Variants in PDE6G observed in about 807,000 individuals in gnomAD.
PDE6G encodes rod cGMP 3',5'-cyclic phosphodiesterase subunit gamma.
In PDE6G, 10 loss-of-function variants were observed where a neutral mutation model predicts 10.9. The ratio of observed to expected loss-of-function variants is 0.91; its 90% CI spans 0.56 to 1.55. PDE6G has a LOEUF of 1.55. PDE6G is among the 40% of genes most tolerant of loss of function. The probability of loss-of-function intolerance (pLI) is 0.00; values close to 1 mark genes in which losing one functional copy is unlikely to be tolerated. For missense variants in PDE6G, 102 were observed against 110.1 expected (o/e 0.93, Z 0.33); for synonymous variants, 41 against 42.8 (o/e 0.96, Z 0.16).
chr17:81,654,380 T>C (rs1275315641), intron 1 of PDE6G, among the ~76,000 whole-genome samples: 1 of 40,894 alleles, frequency 2.4e-5, no homozygotes, highest in Non-Finnish European at 4.0e-5. Context: ...CCTCTGATTC[T>C]TTTTTTTTTT....
At chr17:81,659,138 T>G (rs557561613), upstream of PDE6G, among the ~76,000 whole-genome samples, 4 of 149,582 alleles carry the variant, frequency 2.7e-5, no homozygotes, top group Non-Finnish European at 5.9e-5. Context: ...GGAAACAAGA[T>G]TGCAATCCAT....
chr17:81,653,609 T>G lies in PDE6G; in HGVS notation c.-59-245A>C, dbSNP rs1444499387. 9.2e-6 allele frequency: 4 copies of G among 436,530 alleles called. No individual in the cohort carries two copies. The highest frequency in any genetic ancestry group is 8.0e-5 in the African/African-American group (4 of 49,878). The allele number at this position is 436,530 out of a possible 1,614,324, so 27.0% of individuals were successfully genotyped here. A position where few individuals can be genotyped will look rare whatever the true frequency, so the allele number is the denominator to read the frequency against. On this transcript the variant is annotated intron_variant, in intron 1 of 3. Coordinates refer to ENST00000331056, the MANE Select transcript of PDE6G (RefSeq NM_002602.4). This position sits in a 1 kb window ranked among gnomAD's most constrained non-coding sequence, Gnocchi z 5.2. The stretch of plus-strand genomic sequence containing the variant: ...ACGCTGGCCACACACAGCTCCGGAC[T>G]CCCCCCTGTCCTGGCCTCCCTCGCC...
intron 2 of PDE6G, among the ~76,000 whole-genome samples, chr17:81,652,140 G>A (rs994293632): frequency 1.5e-4 from 22 of 151,426 alleles, no homozygotes; most frequent in Non-Finnish European, 3.0e-4. Flanking sequence ...TGATGGGAGC[G>A]CGGTGCCTGT....
Position 81,650,520 on chromosome 17 carries a change from G to T in PDE6G, c.*554C>A. The stretch of plus-strand genomic sequence containing the variant: ...TGCAAGGGCAGGCTGTATTGAGAAG[G>T]ATGGCCCCCTGGTGTGATGAGCTTG... On this transcript the variant is annotated 3_prime_UTR_variant, in exon 4 of 4. Transcript: ENST00000331056. The T allele has an allele frequency of 6.6e-6, 3 of 454,032 alleles. No homozygotes were observed. Among genetic ancestry groups the T allele is most frequent in the South Asian group, 4.7e-5 (3 of 64,480 alleles). The allele number at this position is 454,032 out of a possible 1,614,324, so 28.1% of individuals were successfully genotyped here.
Position 81,650,703 on chromosome 17 carries a change from C to G in PDE6G, c.*371G>C, listed in dbSNP as rs1163885012. The stretch of plus-strand genomic sequence containing the variant: ...GGGGTGCAGAAGCACTCTGGGGAGA[C>G]CTGCCCTAGCTTTCCAGCTGGGAGG... On this transcript the variant is annotated 3_prime_UTR_variant, in exon 4 of 4. Transcript: ENST00000331056. 8 of 457,410 alleles carry G rather than the reference C, an allele frequency of 1.7e-5. No individual in the cohort carries two copies. Among genetic ancestry groups the G allele is most frequent in the Non-Finnish European group, 3.5e-5 (8 of 228,398 alleles). The allele number at this position is 457,410 out of a possible 1,614,324, so 28.3% of individuals were successfully genotyped here.
At chr17:81,661,914 C>T (rs1218878675) in intron 1 of PDE6G, among the ~76,000 whole-genome samples, 1 of 150,846 alleles carries the variant, frequency 6.6e-6, no homozygotes, top group Non-Finnish European at 1.5e-5. Context: ...GCCTGTAATC[C>T]TAGGTACTCG....
At chr17:81,658,102 T>A (rs2036472068), upstream of PDE6G, among the ~76,000 whole-genome samples, 1 of 151,780 alleles carries the variant, frequency 6.6e-6, no homozygotes, top group Non-Finnish European at 1.5e-5. Context: ...ATTTCATTTT[T>A]GAGACTGAGT....
At chr17:81,654,702 C>T (rs1048371676) in intron 1 of PDE6G, among the ~76,000 whole-genome samples, 3 of 149,236 alleles carry the variant, frequency 2.0e-5, no homozygotes, top group Non-Finnish European at 4.5e-5. Flanking sequence ...TTAATACCTG[C>T]CAAAGTAGCC....
upstream of PDE6G, among the ~76,000 whole-genome samples, chr17:81,659,502 G>T (rs1040918065): frequency 1.3e-5 from 2 of 152,004 alleles, no homozygotes; most frequent in Admixed American, 6.6e-5. Flanking sequence ...GGGAGGCTGC[G>T]GCAGGAGAAT....
chr17:81,653,152 C>T lies in PDE6G; in HGVS notation c.146+8G>A, dbSNP rs1426641190. On this transcript the variant is annotated splice_region_variant and intron_variant, in intron 2 of 3. Transcript: ENST00000331056. This position sits in a 1 kb window ranked among gnomAD's most constrained non-coding sequence, Gnocchi z 5.2. ...CTTTCAGAGGCCCCATCCCCCAGCT[C>T]TGCTTACCCTTGAACGCCTTTCTTT... The T allele has an allele frequency of 6.2e-7, 1 of 1,614,064 alleles. No individual in the cohort carries two copies. Among genetic ancestry groups the T allele is most frequent in the East Asian group, 2.2e-5 (1 of 44,856 alleles).
rs1014104561 is a variant in PDE6G at position 81,653,880 on chromosome 17, G to A, written c.-59-516C>T. Reference sequence around the variant, plus strand: ...GGCTGGAGTGCAGTGGCACTATCTCGGCTCACTGCAACCTCCGCCTCCCGG... The same window carrying A: ...GGCTGGAGTGCAGTGGCACTATCTCAGCTCACTGCAACCTCCGCCTCCCGG... On this transcript the variant is annotated intron_variant, in intron 1 of 3. Transcript: ENST00000331056. This position sits in a 1 kb window ranked among gnomAD's most constrained non-coding sequence, Gnocchi z 5.2. 2.6e-4 allele frequency among the ~76,000 whole-genome samples: 39 copies of A among 152,066 alleles called. No individual in the cohort carries two copies. The highest frequency in any genetic ancestry group is 8.2e-4 in the African/African-American group (34 of 41,466).
intron 1 of PDE6G, among the ~76,000 whole-genome samples, chr17:81,654,149 C>T (rs1011563657): frequency 6.7e-6 from 1 of 150,096 alleles, no homozygotes; most frequent in Admixed American, 6.7e-5. Flanking sequence ...CTCTGTGGCT[C>T]CTGCTGGGAA....
chr17:81,653,403 TG>T lies in PDE6G; in HGVS notation c.-59-40del. 1.4e-6 allele frequency: 2 copies of T among 1,429,966 alleles called. No homozygotes were observed. Among genetic ancestry groups the T allele is most frequent in the Non-Finnish European group, 1.9e-6 (2 of 1,044,432 alleles). 88.6% of individuals were successfully genotyped at this position (1,429,966 alleles called of 1,614,324 possible). A position where few individuals can be genotyped will look rare whatever the true frequency, so the allele number is the denominator to read the frequency against. ...AGGCCCGGGTCCCAGTCAGCCCTCC[TG>T]CTTCCAACCCTTGTGGGGGTCTCAA... On this transcript the variant is annotated intron_variant, in intron 1 of 3. Transcript: ENST00000331056. The surrounding 1 kb of genome is among the most constrained non-coding windows in gnomAD (Gnocchi z 5.2).
At position 81,656,171 on chromosome 17, in the gene PDE6G, G is replaced by A. The variant is rs540111645; in HGVS notation, c.-60+322C>T. ...ATCAGATGCCATCCATGTGGAAACCGCTGCCTGCGCTGCCCTGGCCCGACC... is the reference window on the plus strand; with the variant it reads ...ATCAGATGCCATCCATGTGGAAACCACTGCCTGCGCTGCCCTGGCCCGACC... On this transcript the variant is annotated intron_variant, in intron 1 of 3. Coordinates refer to ENST00000331056, the MANE Select transcript of PDE6G (RefSeq NM_002602.4). Among the ~76,000 whole-genome samples, 80 of 152,300 alleles carry A rather than the reference G, an allele frequency of 5.3e-4. 2 individuals carry two copies. The highest frequency in any genetic ancestry group is 5.2e-3 in the Admixed American group (79 of 15,288).
Position 81,653,055 on chromosome 17 carries a change from C to T in PDE6G, c.146+105G>A. The stretch of plus-strand genomic sequence containing the variant: ...TTCCCCAGCTGTGAGGCTGGGACCA[C>T]TCACCCAGTGAAGTGGCCCCAGGCT... On this transcript the variant is annotated intron_variant, in intron 2 of 3. Transcript: ENST00000331056. This position sits in a 1 kb window ranked among gnomAD's most constrained non-coding sequence, Gnocchi z 5.2. 7.5e-7 allele frequency: 1 copy of T among 1,340,716 alleles called. No individual in the cohort carries two copies. Among genetic ancestry groups the T allele is most frequent in the Non-Finnish European group, 1.1e-6 (1 of 933,138 alleles). 83.1% of individuals were successfully genotyped at this position (1,340,716 alleles called of 1,614,324 possible).
chr17:81,651,264 G>T lies in PDE6G; in HGVS notation c.188-114C>A, dbSNP rs1267305714. ...TGTAGCCCTACAGTGTGCTGAGCGG[G>T]GACGTGCGGACGCTGGAGTGGGGCC... On this transcript the variant is annotated intron_variant, in intron 3 of 3. Coordinates refer to ENST00000331056, the MANE Select transcript of PDE6G (RefSeq NM_002602.4). The surrounding 1 kb of genome is among the most constrained non-coding windows in gnomAD (Gnocchi z 4.8). 3.9e-6 allele frequency: 3 copies of T among 776,258 alleles called. No homozygotes were observed. 48.1% of individuals were successfully genotyped at this position (776,258 alleles called of 1,614,324 possible).
rs1037622047 is a variant in PDE6G at position 81,652,246 on chromosome 17, T to G, written c.147-561A>C. 2.1e-4 allele frequency among the ~76,000 whole-genome samples: 32 copies of G among 152,136 alleles called. 1 individual carries two copies. The highest frequency in any genetic ancestry group is 7.4e-5 in the Non-Finnish European group (5 of 68,026). On this transcript the variant is annotated intron_variant, in intron 2 of 3. Coordinates refer to ENST00000331056, the MANE Select transcript of PDE6G (RefSeq NM_002602.4). ...TGAGTGGACACTCCTCGGTGCATTG[T>G]GCCATGGCTGTCCCTGGGTGGCAGT...
In PDE6G at chr17:81,653,051, A is replaced by G; in HGVS notation, c.146+109T>C. On this transcript the variant is annotated intron_variant, in intron 2 of 3. Transcript: ENST00000331056. The surrounding 1 kb of genome is among the most constrained non-coding windows in gnomAD (Gnocchi z 5.2). ...TACCTTCCCCAGCTGTGAGGCTGGG[A>G]CCACTCACCCAGTGAAGTGGCCCCA... 1 of 1,253,774 alleles carries G rather than the reference A, an allele frequency of 8.0e-7. No individual in the cohort carries two copies. Among genetic ancestry groups the G allele is most frequent in the Non-Finnish European group, 1.2e-6 (1 of 857,370 alleles). 77.7% of individuals were successfully genotyped at this position (1,253,774 alleles called of 1,614,324 possible).
chr17:81,653,002 T>G lies in PDE6G; in HGVS notation c.146+158A>C, dbSNP rs1269767718. On this transcript the variant is annotated intron_variant, in intron 2 of 3. Transcript: ENST00000331056. The surrounding 1 kb of genome is among the most constrained non-coding windows in gnomAD (Gnocchi z 5.2). ...ATTCCCCTTCCCCCTCCTCCATCCC[T>G]GCTCAGGCCCTCAGGCACCGCCCTA... Among the ~76,000 whole-genome samples the G allele has an allele frequency of 2.0e-5, 3 of 151,604 alleles. No individual in the cohort carries two copies. Among genetic ancestry groups the G allele is most frequent in the African/African-American group, 7.3e-5 (3 of 41,256 alleles).
Sources: allele counts gnomAD v4.1 joint callset (sites outside exome capture counted in the v4.1 genomes callset), GRCh38; gene constraint gnomAD v4.1.1; non-coding constraint Gnocchi (gnomAD v3.1); transcripts MANE v1.5; gene names NCBI Gene and HGNC (gene_info 2026-07-23, HGNC 2026-07-21).